Variants in TSNARE1 observed in about 807,000 individuals in gnomAD.
TSNARE1 encodes the protein t-SNARE domain containing 1, also known as t-SNARE domain-containing protein 1.
A neutral mutation model predicts 62.0 loss-of-function variants in TSNARE1; 49 were observed. The ratio of observed to expected loss-of-function variants is 0.79; its 90% CI spans 0.63 to 1.00. The LOEUF (loss-of-function observed/expected upper bound fraction) is 1.00. Among genes scored for constraint, TSNARE1 ranks in the 50% least tolerant of loss-of-function variants. The pLI is 0.00. For missense variants in TSNARE1, 755 were observed against 700.1 expected, an observed-to-expected ratio of 1.08 and a Z score of -0.88; for synonymous variants, 328 against 294.4, an observed-to-expected ratio of 1.11 and a Z score of -1.17.
chr8:142,290,558 A>T (rs1186948636), intron 10 of TSNARE1, among the ~76,000 whole-genome samples: 11 of 152,148 alleles, frequency 7.2e-5, no homozygotes, highest in Non-Finnish European at 1.6e-4. Context: ...ACATCACTGC[A>T]TTTTTCTCTA....
At chr8:142,314,655 G>A (rs1253612010) in intron 8 of TSNARE1, among the ~76,000 whole-genome samples, 4 of 152,148 alleles carry the variant, frequency 2.6e-5, no homozygotes, top group Non-Finnish European at 4.4e-5. Flanking sequence ...TGCCAGGGCC[G>A]GGGCTGAGCT....
chr8:142,334,432 A>C (rs2132089368), intron 4 of TSNARE1, among the ~76,000 whole-genome samples: 1 of 147,698 alleles, frequency 6.8e-6, no homozygotes, highest in Non-Finnish European at 1.5e-5. Context: ...CCCCATTCAC[A>C]GGTGGGCAGG....
chr8:142,313,815 C>G lies in TSNARE1; in HGVS notation c.1131+569G>C. ...TTGAGACAGAATCTCACTCTGTCGC[C>G]CAGGCTGGAATGCAGTGGCGTGATC... is the stretch of plus-strand genomic sequence containing the variant. On this transcript the variant is annotated intron_variant, in intron 9 of 13. Coordinates refer to ENST00000524325, the MANE Select transcript of TSNARE1 (RefSeq NM_145003.5). Among the ~76,000 whole-genome samples, 2 of 152,138 alleles carry G rather than the reference C, an allele frequency of 1.3e-5. 1 individual carries two copies. The highest frequency in any genetic ancestry group is 6.3e-3 in the Middle Eastern group (2 of 316).
chr8:142,276,429 C>T lies in TSNARE1; in HGVS notation c.1364-1566G>A, dbSNP rs1040137074. 36 of 985,362 alleles carry T rather than the reference C, an allele frequency of 3.7e-5. 1 individual carries two copies. In the African/African-American group the frequency reaches 4.5e-4, roughly 12 times the overall value. 61.0% of individuals were successfully genotyped at this position (985,362 alleles called of 1,614,324 possible). On this transcript the variant is annotated intron_variant, in intron 11 of 13. Coordinates refer to ENST00000524325, the MANE Select transcript of TSNARE1 (RefSeq NM_145003.5). Reference sequence around the variant, plus strand: ...CCAGGGAGGAGGCGCTAGCCTGGGCCCGGGCAATGCCCCGCTCACGTGCAA... The same window carrying T: ...CCAGGGAGGAGGCGCTAGCCTGGGCTCGGGCAATGCCCCGCTCACGTGCAA...
chr8:142,378,332 G>A (rs968719353), intron 1 of TSNARE1, among the ~76,000 whole-genome samples: 2 of 152,224 alleles, frequency 1.3e-5, no homozygotes, highest in Admixed American at 1.3e-4. Flanking sequence ...ACAGGCAAAA[G>A]TCGCATGTGG....
chr8:142,374,104 G>C (rs1158617869), intron 1 of TSNARE1, among the ~76,000 whole-genome samples: 1 of 152,074 alleles, frequency 6.6e-6, no homozygotes, highest in African/African-American at 2.4e-5. Flanking sequence ...AGGAGTTCGA[G>C]ACCAGCCTGG....
At chr8:142,223,766 C>T (rs192021341) in intron 13 of TSNARE1, among the ~76,000 whole-genome samples, 1 of 152,368 alleles carries the variant, frequency 6.6e-6, no homozygotes, top group East Asian at 1.9e-4. Flanking sequence ...GAAGGTGCTT[C>T]TGCAGGTGCA....
chr8:142,279,565 G>C (rs1452976086), intron 11 of TSNARE1, among the ~76,000 whole-genome samples: 1 of 152,184 alleles, frequency 6.6e-6, no homozygotes, highest in Non-Finnish European at 1.5e-5. Flanking sequence ...TGGCGTATAT[G>C]GTCGAGCCCC....
chr8:142,392,397 T>C (rs1033702965), intron 1 of TSNARE1, among the ~76,000 whole-genome samples: 5 of 152,082 alleles, frequency 3.3e-5, no homozygotes, highest in African/African-American at 7.2e-5. Context: ...AACGGTAACA[T>C]AGTGTTCATT....
chr8:142,265,047 T>C (rs1417331878), intron 12 of TSNARE1, among the ~76,000 whole-genome samples: 1 of 152,208 alleles, frequency 6.6e-6, no homozygotes, highest in African/African-American at 2.4e-5. Context: ...ATTCCATTTT[T>C]ACTGATTTGG....
At chr8:142,227,178 C>T (rs754656767) in intron 13 of TSNARE1, among the ~76,000 whole-genome samples, 21 of 147,614 alleles carry the variant, frequency 1.4e-4, no homozygotes, top group Middle Eastern at 3.8e-3. Flanking sequence ...TGTGCCCACA[C>T]CCCAGTGACA....
At chr8:142,265,578 A>C (rs1819094135) in intron 12 of TSNARE1, among the ~76,000 whole-genome samples, 2 of 152,238 alleles carry the variant, frequency 1.3e-5, no homozygotes, top group South Asian at 4.1e-4. Flanking sequence ...GTTGGTGTGA[A>C]CATGAGTTTT....
chr8:142,369,452 C>G (rs1442967988), intron 1 of TSNARE1, among the ~76,000 whole-genome samples: 1 of 152,154 alleles, frequency 6.6e-6, no homozygotes, highest in Non-Finnish European at 1.5e-5. Context: ...TCAAAAAGTA[C>G]AAGACACACA....
chr8:142,371,923 G>A lies in TSNARE1; in HGVS notation c.-39-17160C>T, dbSNP rs1370183177. 2.0e-5 allele frequency among the ~76,000 whole-genome samples: 3 copies of A among 152,182 alleles called. No individual in the cohort carries two copies. The East Asian group carries it at 5.8e-4, about 29-fold the overall frequency. On this transcript the variant is annotated intron_variant, in intron 1 of 13. Coordinates refer to ENST00000524325, the MANE Select transcript of TSNARE1 (RefSeq NM_145003.5). ...CTATGGGCTGCTTTTGTACCATGGG[G>A]CAGAGCTGGGTAGCTGCAACAGACA...
intron 4 of TSNARE1, among the ~76,000 whole-genome samples, chr8:142,340,491 C>T (rs967951260): frequency 6.6e-6 from 1 of 152,164 alleles, no homozygotes; most frequent in Non-Finnish European, 1.5e-5. Flanking sequence ...GAGGTGGAAA[C>T]GCTCTGGAAT....
chr8:142,385,442 A>G lies in TSNARE1; in HGVS notation c.-40+17662T>C, dbSNP rs1261703979. ...GTCAATGAGCATGAACTATTAATAT[A>G]TTTACCAGTAGATTTAAGACTAAAA... On this transcript the variant is annotated intron_variant, in intron 1 of 13. Transcript: ENST00000524325. Among the ~76,000 whole-genome samples, 7 of 152,368 alleles carry G rather than the reference A, an allele frequency of 4.6e-5. No individual in the cohort carries two copies. The East Asian group carries it at 1.2e-3, about 25-fold the overall frequency.
chr8:142,328,788 C>T (rs1586833999), intron 6 of TSNARE1, among the ~76,000 whole-genome samples: 1 of 144,970 alleles, frequency 6.9e-6, no homozygotes, highest in African/African-American at 2.7e-5. Context: ...CACTGGACTC[C>T]AGCGTGGGGG....
At chr8:142,314,958 C>T in intron 8 of TSNARE1, 45 bp downstream of exon 8, 3 of 1,595,384 alleles carry the variant, frequency 1.9e-6, no homozygotes, top group East Asian at 2.2e-5. Flanking sequence ...CCGAGGCCGA[C>T]CCCACCTGGC....
At chr8:142,345,624 T>G (rs916681231) in intron 3 of TSNARE1, 119 bp downstream of exon 3, 13 of 1,264,582 alleles carry the variant, frequency 1.0e-5, no homozygotes, top group Non-Finnish European at 1.4e-5. Flanking sequence ...GCAGGTCCCT[T>G]GCCTCCTGGT....
Sources: allele counts gnomAD v4.1 joint callset (sites outside exome capture counted in the v4.1 genomes callset), GRCh38; gene constraint gnomAD v4.1.1; transcripts MANE v1.5; gene names NCBI Gene and HGNC (gene_info 2026-07-23, HGNC 2026-07-21).